The following FKBP5 variants were observed in gnomAD, a reference collection of about 807,000 sequenced individuals.
The protein encoded by FKBP5 is peptidyl-prolyl cis-trans isomerase FKBP5.
In FKBP5, 23 loss-of-function variants were observed where a neutral mutation model predicts 50.5. That is an observed-to-expected ratio of 0.46 (90% confidence interval 0.33 to 0.65). The LOEUF (loss-of-function observed/expected upper bound fraction) is 0.65. Among genes scored for constraint, FKBP5 ranks in the 30% least tolerant of loss-of-function variants. The probability of loss-of-function intolerance (pLI) is 0.02; values close to 1 mark genes in which losing one functional copy is unlikely to be tolerated. For missense variants in FKBP5, 411 were observed against 553.1 expected (o/e 0.74, Z 2.58); for synonymous variants, 176 against 190.6 (o/e 0.92, Z 0.63).
intron 2 of FKBP5, among the ~76,000 whole-genome samples, chr6:35,697,281 C>CT (rs1192714151): frequency 3.3e-5 from 5 of 152,326 alleles, no homozygotes; most frequent in Non-Finnish European, 5.9e-5. Context: ...GGAGCAGTGG[C>CT]TTACGCCTGT....
At position 35,642,761 on chromosome 6, in the gene FKBP5, C is replaced by T. The variant is rs192660582; in HGVS notation, c.64G>A (p.Gly22Arg). ...TCTTTTTTGGAGGTAATATCCTCTC[C>T]CTGCTCAGCAACAGTGGCTGTGGGG... ...ESPTATVAEQ[G>R]EDITSKKDRG... Residue 22 changes from glycine to arginine, a missense_variant, in exon 2 of 11, where the codon GGA becomes AGA. Coordinates refer to ENST00000357266, the MANE Select transcript of FKBP5 (RefSeq NM_004117.4). The T allele has an allele frequency of 1.9e-5, 31 of 1,614,028 alleles. No individual in the cohort carries two copies. The East Asian group carries it at 6.5e-4, about 34-fold the overall frequency.
intron 2 of FKBP5, among the ~76,000 whole-genome samples, chr6:35,642,466 C>T (rs1581844780): frequency 6.6e-6 from 1 of 152,034 alleles, no homozygotes; most frequent in East Asian, 1.9e-4. Flanking sequence ...AAAAGAAAAT[C>T]CCAGCTACTC....
intron 2 of FKBP5, among the ~76,000 whole-genome samples, chr6:35,713,308 C>G (rs967052444): frequency 1.3e-5 from 2 of 151,876 alleles, no homozygotes; most frequent in African/African-American, 2.4e-5. Context: ...AATCCTGTGG[C>G]CTAGAAGAGG....
intron 2 of FKBP5, among the ~76,000 whole-genome samples, chr6:35,641,341 G>GA (rs1764482230): frequency 6.6e-6 from 1 of 152,222 alleles, no homozygotes; most frequent in East Asian, 1.9e-4. Flanking sequence ...AATAATGATA[G>GA]AAAGTATAGT....
At chr6:35,628,299 G>T (rs1764058922) in intron 3 of FKBP5, among the ~76,000 whole-genome samples, 1 of 152,028 alleles carries the variant, frequency 6.6e-6, no homozygotes, top group Non-Finnish European at 1.5e-5. Flanking sequence ...CCTTTTAAAT[G>T]TACATTTACA....
At position 35,680,602 on chromosome 6, in the gene FKBP5, A is replaced by G. The variant is rs538641021; in HGVS notation, c.-20+8202T>C. Among the ~76,000 whole-genome samples the G allele has an allele frequency of 5.3e-5, 8 of 152,342 alleles. No individual in the cohort carries two copies. In the East Asian group the frequency reaches 1.5e-3, roughly 29 times the overall value. ...GATTTAATCTAAATCAAATCACACTATTGAGGCTGTGGAAACATTAAATCT... is the reference window on the plus strand; with the variant it reads ...GATTTAATCTAAATCAAATCACACTGTTGAGGCTGTGGAAACATTAAATCT... On this transcript the variant is annotated intron_variant, in intron 1 of 10. Coordinates refer to ENST00000357266, the MANE Select transcript of FKBP5 (RefSeq NM_004117.4).
chr6:35,598,709 C>T (rs1258522900), intron 5 of FKBP5, among the ~76,000 whole-genome samples: 1 of 152,052 alleles, frequency 6.6e-6, no homozygotes, highest in South Asian at 2.1e-4. Context: ...GCGGTGCTCA[C>T]GCCTGTAATC....
chr6:35,637,414 A>C (rs1011354025), intron 2 of FKBP5, among the ~76,000 whole-genome samples: 2 of 150,700 alleles, frequency 1.3e-5, no homozygotes, highest in African/African-American at 2.4e-5. Flanking sequence ...TAACCAATAA[A>C]TCCTGTTCAT....
At chr6:35,617,532 A>T (rs1212192398) in intron 5 of FKBP5, among the ~76,000 whole-genome samples, 1 of 152,174 alleles carries the variant, frequency 6.6e-6, no homozygotes, top group Non-Finnish European at 1.5e-5. Flanking sequence ...TTATAATAAT[A>T]GTTCATGTTC....
chr6:35,705,392 G>T (rs531751477), intron 2 of FKBP5, among the ~76,000 whole-genome samples: 4 of 148,956 alleles, frequency 2.7e-5, no homozygotes, highest in Non-Finnish European at 4.5e-5. Context: ...TCAACCTCCT[G>T]AGTAGCTGGG....
intron 5 of FKBP5, among the ~76,000 whole-genome samples, chr6:35,601,329 G>A (rs1190003799): frequency 1.3e-5 from 2 of 152,198 alleles, no homozygotes; most frequent in South Asian, 2.1e-4. Context: ...GCCTCATGGT[G>A]AATACAGCCC....
intron 2 of FKBP5, among the ~76,000 whole-genome samples, chr6:35,700,083 T>C (rs943297): frequency 0.77 from 116,596 of 152,044 alleles, 45,239 homozygotes; most frequent in African/African-American, 0.9. Context: ...GAACAAGGAC[T>C]TAACTAAGGA....
chr6:35,716,727 AC>A (rs1766519033), intron 2 of FKBP5, among the ~76,000 whole-genome samples: 1 of 151,804 alleles, frequency 6.6e-6, no homozygotes, highest in African/African-American at 2.4e-5. Flanking sequence ...CGCAAACATT[AC>A]CCCCTGCTTG....
intron 4 of FKBP5, among the ~76,000 whole-genome samples, chr6:35,619,424 T>C (rs1763758940): frequency 6.7e-6 from 1 of 149,872 alleles, no homozygotes; most frequent in Non-Finnish European, 1.5e-5. Flanking sequence ...GTAATGCTAA[T>C]GTCTAGAACT....
At chr6:35,626,771 T>G (rs1258195612) in intron 3 of FKBP5, among the ~76,000 whole-genome samples, 17 of 152,226 alleles carry the variant, frequency 1.1e-4, no homozygotes, top group Admixed American at 1.1e-3. Context: ...TCACTTAGTA[T>G]AATGCCCTCA....
At chr6:35,655,604 G>A (rs1283813872) in intron 1 of FKBP5, among the ~76,000 whole-genome samples, 1 of 152,154 alleles carries the variant, frequency 6.6e-6, no homozygotes, top group East Asian at 1.9e-4. Flanking sequence ...AATGGCATAG[G>A]AGCAGTACTC....
chr6:35,597,148 G>T, intron 6 of FKBP5, 100 bp downstream of exon 6: 1 of 1,289,254 alleles, frequency 7.8e-7, no homozygotes, highest in Non-Finnish European at 1.1e-6. Context: ...TCCGTTGTTG[G>T]ATTAACTTCA....
At chr6:35,675,578 A>G (rs538814050) in intron 1 of FKBP5, among the ~76,000 whole-genome samples, 4 of 152,306 alleles carry the variant, frequency 2.6e-5, no homozygotes, top group African/African-American at 9.6e-5. Context: ...TCAAAAAAAC[A>G]AGTCTATACC....
chr6:35,698,402 C>T (rs1766120532), intron 2 of FKBP5, among the ~76,000 whole-genome samples: 1 of 152,066 alleles, frequency 6.6e-6, no homozygotes, highest in Non-Finnish European at 1.5e-5. Context: ...ATTCCCAACA[C>T]TTTGGGAAAC....
Sources: gnomAD v4.1 joint callset for allele counts (sites outside exome capture counted in the v4.1 genomes callset) on GRCh38, gnomAD v4.1.1 for gene constraint, MANE v1.5 for transcripts, NCBI Gene and HGNC (gene_info 2026-07-23, HGNC 2026-07-21) for gene names.